The following CHN2 variants were observed in gnomAD, a reference collection of about 807,000 sequenced individuals.
The protein encoded by CHN2 is beta-chimaerin.
Under a neutral mutation model 56.3 loss-of-function variants are expected in CHN2, and 35 were observed. The observed-to-expected ratio is 0.62, with a 90% CI of 0.47 to 0.82. The LOEUF (loss-of-function observed/expected upper bound fraction) is 0.82. Ranked by LOEUF, CHN2 falls within the 40% of genes least tolerant of loss-of-function variation. The pLI, the probability that CHN2 is intolerant of heterozygous loss-of-function variation, is 0.00. For synonymous variants in CHN2, 210 were observed against 212.8 expected (o/e 0.99, Z 0.12); for missense variants, 491 against 580.5 (o/e 0.85, Z 1.58).
chr7:29,485,627 G>T (rs755258548), intron 7 of CHN2, among the ~76,000 whole-genome samples: 17 of 152,178 alleles, frequency 1.1e-4, no homozygotes, highest in Non-Finnish European at 1.8e-4. Flanking sequence ...AAGAGCACCC[G>T]GGCTATGCAA....
chr7:29,317,871 T>G (rs1795069528), intron 1 of CHN2, among the ~76,000 whole-genome samples: 1 of 152,128 alleles, frequency 6.6e-6, no homozygotes, highest in South Asian at 2.1e-4. Flanking sequence ...TTTGTACATG[T>G]TACGCCGGAG....
chr7:29,486,462 C>A (rs183841824), intron 7 of CHN2, among the ~76,000 whole-genome samples: 3 of 152,136 alleles, frequency 2.0e-5, no homozygotes, highest in Admixed American at 2.0e-4. Flanking sequence ...ATGTGTCGGG[C>A]CAGCTCTCAA....
intron 1 of CHN2, among the ~76,000 whole-genome samples, chr7:29,230,646 T>C (rs1446179047): frequency 1.3e-5 from 2 of 152,240 alleles, no homozygotes; most frequent in Non-Finnish European, 2.9e-5. Context: ...AGGCCTCCTC[T>C]TTCTTAAAAA....
intron 6 of CHN2, among the ~76,000 whole-genome samples, chr7:29,414,084 A>G (rs1003342996): frequency 6.6e-6 from 1 of 152,210 alleles, no homozygotes; most frequent in Non-Finnish European, 1.5e-5. Context: ...AAAGCTCTGT[A>G]TACCTTTACT....
At chr7:29,207,791 C>T (rs749419010) in intron 1 of CHN2, among the ~76,000 whole-genome samples, 2 of 152,042 alleles carry the variant, frequency 1.3e-5, no homozygotes, top group African/African-American at 2.4e-5. Context: ...ATCAAAGAAC[C>T]GACACCCTTT....
At chr7:29,411,491 T>C (rs536692750) in intron 6 of CHN2, among the ~76,000 whole-genome samples, 25 of 152,282 alleles carry the variant, frequency 1.6e-4, no homozygotes, top group Middle Eastern at 3.4e-3. Flanking sequence ...TAGGAGCTTC[T>C]GGTGGAGTCA....
chr7:29,481,296 CTT>C (rs757157996), intron 7 of CHN2, among the ~76,000 whole-genome samples: 4 of 152,188 alleles, frequency 2.6e-5, no homozygotes, highest in Non-Finnish European at 4.4e-5. Context: ...TAAAAAAATT[CTT>C]GTTTCCTTTA....
Position 29,371,986 on chromosome 7 carries a change from T to C in CHN2, c.144+3999T>C, listed in dbSNP as rs145956812. 3.9e-5 allele frequency among the ~76,000 whole-genome samples: 6 copies of C among 152,000 alleles called. No homozygotes were observed. The East Asian group carries it at 9.7e-4, about 25-fold the overall frequency. On this transcript the variant is annotated intron_variant, in intron 3 of 12. Transcript: ENST00000222792. ...TTGCAGCTTCCCTGCAGCTCACATA[T>C]ACACACACACATACACACTCCAGTC...
intron 6 of CHN2, among the ~76,000 whole-genome samples, chr7:29,442,137 T>C (rs2128124466): frequency 6.6e-6 from 1 of 152,354 alleles, no homozygotes; most frequent in Middle Eastern, 3.4e-3. Context: ...ACAACATGCA[T>C]GAACTTTGAA....
At chr7:29,503,855 T>G (rs982274222) in intron 9 of CHN2, among the ~76,000 whole-genome samples, 1 of 152,212 alleles carries the variant, frequency 6.6e-6, no homozygotes, top group African/African-American at 2.4e-5. Context: ...TAGCAGCTAG[T>G]TTGTGACATA....
At chr7:29,429,423 G>C (rs1805192350) in intron 6 of CHN2, among the ~76,000 whole-genome samples, 1 of 152,186 alleles carries the variant, frequency 6.6e-6, no homozygotes, top group Admixed American at 6.5e-5. Context: ...ACTAAATTTA[G>C]AGACTCTTTT....
rs188066286 is a variant in CHN2 at position 29,224,323 on chromosome 7, A to T, written c.49+29333A>T. Among the ~76,000 whole-genome samples the T allele has an allele frequency of 7.2e-5, 11 of 152,350 alleles. No homozygotes were observed. In the East Asian group the frequency reaches 2.1e-3, roughly 29 times the overall value. ...AACACAGTAAATATAACTGAAAAGG[A>T]TAGACTTTTAGGCCATGGTCAGATA... is the stretch of plus-strand genomic sequence containing the variant. On this transcript the variant is annotated intron_variant, in intron 1 of 12. Coordinates refer to ENST00000222792, the MANE Select transcript of CHN2 (RefSeq NM_004067.4).
At chr7:29,510,077 TC>T (rs1791123865) in intron 12 of CHN2, among the ~76,000 whole-genome samples, 1 of 152,098 alleles carries the variant, frequency 6.6e-6, no homozygotes, top group Non-Finnish European at 1.5e-5. Flanking sequence ...CTTTCCAGGC[TC>T]CTGAGACTGC....
At chr7:29,201,354 C>T (rs1784144636) in intron 1 of CHN2, among the ~76,000 whole-genome samples, 1 of 152,132 alleles carries the variant, frequency 6.6e-6, no homozygotes, top group Non-Finnish European at 1.5e-5. Flanking sequence ...TTAATGCTCC[C>T]CCCACCCACT....
intron 6 of CHN2, among the ~76,000 whole-genome samples, chr7:29,440,835 C>T (rs555164943): frequency 1.6e-4 from 24 of 151,864 alleles, no homozygotes; most frequent in Non-Finnish European, 3.2e-4. Context: ...CATCTGTGGC[C>T]AATTGATTTT....
intron 1 of CHN2, among the ~76,000 whole-genome samples, chr7:29,239,980 C>G (rs1288738658): frequency 6.6e-6 from 1 of 152,136 alleles, no homozygotes; most frequent in African/African-American, 2.4e-5. Context: ...TGGCAACTAA[C>G]TCAAACATTT....
At chr7:29,479,190 G>A (rs776173243) in intron 6 of CHN2, among the ~76,000 whole-genome samples, 8 of 152,210 alleles carry the variant, frequency 5.3e-5, no homozygotes, top group Non-Finnish European at 1.0e-4. Flanking sequence ...GGTCATGGGA[G>A]ACCATCAAAC....
At position 29,195,997 on chromosome 7, in the gene CHN2, A is replaced by G. The variant is rs573885466; in HGVS notation, c.49+1007A>G. Among the ~76,000 whole-genome samples, 16 of 152,330 alleles carry G rather than the reference A, an allele frequency of 1.1e-4. 1 individual carries two copies. The highest frequency in any genetic ancestry group is 3.8e-4 in the African/African-American group (16 of 41,570). Reference sequence around the variant, plus strand: ...ACATTTAGGGTAGTATACAGTATTTAAGGGTCAAGAAGGTCATGAAGTCCT... The same window carrying G: ...ACATTTAGGGTAGTATACAGTATTTGAGGGTCAAGAAGGTCATGAAGTCCT... On this transcript the variant is annotated intron_variant, in intron 1 of 12. Transcript: ENST00000222792.
At chr7:29,179,753 C>T (rs948254423) in intron 2 of CHN2, among the ~76,000 whole-genome samples, 2 of 152,048 alleles carry the variant, frequency 1.3e-5, no homozygotes, top group Admixed American at 6.5e-5. Flanking sequence ...ATGCAAAACA[C>T]GGGTAAGAAC....
Sources: gnomAD v4.1 joint callset for allele counts (sites outside exome capture counted in the v4.1 genomes callset) on GRCh38, gnomAD v4.1.1 for gene constraint, MANE v1.5 for transcripts, NCBI Gene and HGNC (gene_info 2026-07-23, HGNC 2026-07-21) for gene names.